The following CYS1 variants were observed in gnomAD, a reference collection of about 807,000 sequenced individuals.
The protein encoded by CYS1 is cystin-1.
Under a neutral mutation model 9.6 loss-of-function variants are expected in CYS1, and 5 were observed. That is an observed-to-expected ratio of 0.52 (90% CI 0.27 to 1.10). The LOEUF (loss-of-function observed/expected upper bound fraction) is 1.10, where lower values mean the gene tolerates loss of function less well. CYS1 is among the 50% of genes least tolerant of loss of function. CYS1 has a pLI of 0.11. For synonymous variants in CYS1, 88 were observed against 95.7 expected (o/e 0.92, Z 0.47); for missense variants, 221 against 207.9 (o/e 1.06, Z -0.39).
chr2:10,060,491 C>T (rs1661611439), intron 2 of CYS1, among the ~76,000 whole-genome samples: 1 of 152,182 alleles, frequency 6.6e-6, no homozygotes, highest in South Asian at 2.1e-4. Context: ...GGCCTCCAGG[C>T]GTCCAGGGGA....
chr2:10,065,853 A>G, intron 2 of CYS1, 51 bp downstream of exon 2: 1 of 1,599,646 alleles, frequency 6.3e-7, no homozygotes, highest in Non-Finnish European at 8.6e-7. Context: ...GGCTGGAGTC[A>G]ACAAAAAGAA....
rs1661919475 is a variant in CYS1, at chr2:10,080,041, C to T, written c.183G>A (p.Val61=). 4.7e-6 allele frequency: 5 copies of T among 1,057,000 alleles called. No individual in the cohort carries two copies. The highest frequency in any genetic ancestry group is 4.6e-6 in the Non-Finnish European group (4 of 877,502). The allele number at this position is 1,057,000 out of a possible 1,614,324, so 65.5% of individuals were successfully genotyped here. Residue 61 remains valine, a synonymous_variant, in exon 1 of 3, where the codon GTG becomes GTA. Transcript: ENST00000381813. This position sits in a 1 kb window ranked among gnomAD's most constrained non-coding sequence, Gnocchi z 6.4. ...TCTCGTCCCTGCCGTCGGGGGGCGC[C>T]ACGGGGCTGGGGTCGCGGCCGGGCG... ...EEAPGRDPSP[V]APPDGRDETL...
In CYS1 at chr2:10,058,725, C is replaced by G; in HGVS notation, c.*128G>C. ...CGGTCTGAAAGTGGATTTGAAAGGG[C>G]AGCTTTGAATATCCGGGAGTGACTG... On this transcript the variant is annotated 3_prime_UTR_variant, in exon 3 of 3. Transcript: ENST00000381813. 2 of 771,604 alleles carry G rather than the reference C, an allele frequency of 2.6e-6. No individual in the cohort carries two copies. Among genetic ancestry groups the G allele is most frequent in the Non-Finnish European group, 4.0e-6 (2 of 499,514 alleles). The allele number at this position is 771,604 out of a possible 1,614,324, so 47.8% of individuals were successfully genotyped here. A position where few individuals can be genotyped will look rare whatever the true frequency, so the allele number is the denominator to read the frequency against.
chr2:10,066,598 G>A (rs1292440382), intron 1 of CYS1, among the ~76,000 whole-genome samples: 1 of 152,218 alleles, frequency 6.6e-6, no homozygotes, highest in African/African-American at 2.4e-5. Context: ...TCTCATTCCT[G>A]GCATCAGGCA....
intron 2 of CYS1, among the ~76,000 whole-genome samples, chr2:10,061,411 C>T (rs535945602): frequency 7.2e-5 from 11 of 152,292 alleles, no homozygotes; most frequent in African/African-American, 2.6e-4. Context: ...CGCCCAGACA[C>T]CCTCAAGGGC....
Position 10,058,867 on chromosome 2 carries a change from C to T in CYS1, c.463G>A (p.Glu155Lys), listed in dbSNP as rs1283433619. ...EEGLMASIER[E>K]YCR is the part of the protein sequence containing the mutation. ...GCATGCTGTCCTCAGCGGCAGTACT[C>T]CCGCTCGATGCTCGCCATCAGCCCC... Residue 155 changes from glutamate (E) to lysine (K), a missense_variant, in exon 3 of 3, where the codon GAG becomes AAG. Transcript: ENST00000381813. The T allele has an allele frequency of 4.4e-6, 7 of 1,582,480 alleles. No individual in the cohort carries two copies. The highest frequency in any genetic ancestry group is 6.0e-6 in the Non-Finnish European group (7 of 1,164,900).
In CYS1 at chr2:10,080,077, G is replaced by GGCTGCCCCCGGGACCTCGGCCGCC; in HGVS notation, c.123_146dup (p.Ala43_Ala50dup). On this transcript the variant is annotated inframe_insertion, in exon 1 of 3. Coordinates refer to ENST00000381813, the MANE Select transcript of CYS1 (RefSeq NM_001037160.3). The surrounding 1 kb of genome is among the most constrained non-coding windows in gnomAD (Gnocchi z 6.4). ...GGTCGCGGCCGGGCGCCTCCTCCGC[G>GGCTGCCCCCGGGACCTCGGCCGCC]GCTGCCCCCGGGACCTCGGCCGCCG... 9.7e-7 allele frequency: 1 copy of GGCTGCCCCCGGGACCTCGGCCGCC among 1,032,268 alleles called. No individual in the cohort carries two copies. Among genetic ancestry groups the GGCTGCCCCCGGGACCTCGGCCGCC allele is most frequent in the Non-Finnish European group, 1.2e-6 (1 of 862,184 alleles). 63.9% of individuals were successfully genotyped at this position (1,032,268 alleles called of 1,614,324 possible). A position where few individuals can be genotyped will look rare whatever the true frequency, so the allele number is the denominator to read the frequency against.
At chr2:10,070,638 G>A (rs899433192) in intron 1 of CYS1, among the ~76,000 whole-genome samples, 2 of 151,082 alleles carry the variant, frequency 1.3e-5, no homozygotes, top group African/African-American at 4.9e-5. Context: ...GAGCCACTGC[G>A]CCTGGCATAT....
intron 2 of CYS1, among the ~76,000 whole-genome samples, chr2:10,064,349 G>C (rs983488165): frequency 6.6e-6 from 1 of 152,234 alleles, no homozygotes; most frequent in Non-Finnish European, 1.5e-5. Context: ...GTAGAAGTCA[G>C]AAGAAGTAAT....
In CYS1 at chr2:10,080,353, C is replaced by G. The variant is rs1422226933; in HGVS notation, c.-130G>C. 2.1e-6 allele frequency: 1 copy of G among 474,944 alleles called. No homozygotes were observed. The highest frequency in any genetic ancestry group is 2.8e-6 in the Non-Finnish European group (1 of 361,666). 29.4% of individuals were successfully genotyped at this position (474,944 alleles called of 1,614,324 possible). ...CGCGGGGCGAGGTCCGGGAAGCGAC[C>G]GCGGCCAGGGGCTAGGGTTCCCGGG... On this transcript the variant is annotated 5_prime_UTR_variant, in exon 1 of 3. Transcript: ENST00000381813. This position sits in a 1 kb window ranked among gnomAD's most constrained non-coding sequence, Gnocchi z 6.4.
intron 1 of CYS1, among the ~76,000 whole-genome samples, chr2:10,069,686 A>G (rs1172894409): frequency 6.6e-6 from 1 of 152,142 alleles, no homozygotes; most frequent in Non-Finnish European, 1.5e-5. Flanking sequence ...ATTTAAAAAA[A>G]ATTTTTTTTT....
In CYS1 at chr2:10,065,765, T is replaced by C. The variant is rs532485574; in HGVS notation, c.371+139A>G. The C allele has an allele frequency of 6.7e-5, 53 of 791,622 alleles. No homozygotes were observed. The South Asian group carries it at 7.7e-4, about 12-fold the overall frequency. The allele number at this position is 791,622 out of a possible 1,614,324, so 49.0% of individuals were successfully genotyped here. ...AGGACCTTCCCTTGAGGGCTAGGGC[T>C]TTGCATTTAGAGGGAGCTGCCTCTG... On this transcript the variant is annotated intron_variant, in intron 2 of 2. Transcript: ENST00000381813.
intron 1 of CYS1, among the ~76,000 whole-genome samples, chr2:10,075,615 C>T (rs144469820): frequency 6.4e-4 from 97 of 152,282 alleles, no homozygotes; most frequent in African/African-American, 2.1e-3. Flanking sequence ...CTCTTTACAC[C>T]GTGAGTTCCA....
intron 1 of CYS1, among the ~76,000 whole-genome samples, chr2:10,066,672 A>G (rs1054195886): frequency 1.2e-4 from 18 of 152,194 alleles, no homozygotes; most frequent in Non-Finnish European, 2.5e-4. Flanking sequence ...AGTCTTGGTG[A>G]TTCTTGGCTA....
Position 10,076,081 on chromosome 2 carries a change from C to T in CYS1, c.318+3825G>A, listed in dbSNP as rs769337197. Among the ~76,000 whole-genome samples the T allele has an allele frequency of 3.9e-5, 6 of 152,090 alleles. No homozygotes were observed. The highest frequency in any genetic ancestry group is 1.3e-4 in the Admixed American group (2 of 15,272). ...GCATGCTCCTATAGTCCCAGCTACT[C>T]GGGATGCTGAGACAGGAGAATTGCT... On this transcript the variant is annotated intron_variant, in intron 1 of 2. Transcript: ENST00000381813. This position sits in a 1 kb window ranked among gnomAD's most constrained non-coding sequence, Gnocchi z 4.3.
Position 10,080,301 on chromosome 2 carries a change from G to T in CYS1, c.-78C>A. The T allele has an allele frequency of 1.1e-6, 1 of 912,934 alleles. No individual in the cohort carries two copies. The highest frequency in any genetic ancestry group is 1.3e-6 in the Non-Finnish European group (1 of 760,258). 56.6% of individuals were successfully genotyped at this position (912,934 alleles called of 1,614,324 possible). ...GCCGGGGGCGGGGACGCTAGGGGGT[G>T]CGGCCGGGGCGGGCTGCAGGGGGAG... is the stretch of plus-strand genomic sequence containing the variant. On this transcript the variant is annotated 5_prime_UTR_variant, in exon 1 of 3. Transcript: ENST00000381813. This position sits in a 1 kb window ranked among gnomAD's most constrained non-coding sequence, Gnocchi z 6.4.
In CYS1 at chr2:10,075,971, G is replaced by A. The variant is rs1661836817; in HGVS notation, c.318+3935C>T. On this transcript the variant is annotated intron_variant, in intron 1 of 2. Transcript: ENST00000381813. ...GGAGGCCAAGGCAGGGGGACCACCT[G>A]AGGTCAGGAGTTCAAGAACAGCCTG... 5.9e-5 allele frequency among the ~76,000 whole-genome samples: 9 copies of A among 152,170 alleles called. 1 individual carries two copies. The South Asian group carries it at 1.9e-3, about 32-fold the overall frequency.
At position 10,058,596 on chromosome 2, in the gene CYS1, T is replaced by G. The variant is rs1293148241; in HGVS notation, c.*257A>C. The G allele has an allele frequency of 2.6e-6, 1 of 384,708 alleles. No individual in the cohort carries two copies. Among genetic ancestry groups the G allele is most frequent in the Admixed American group, 4.0e-5 (1 of 24,764 alleles). The allele number at this position is 384,708 out of a possible 1,614,324, so 23.8% of individuals were successfully genotyped here. ...AGAAGAACTGGGCAGGCTCCCCGCG[T>G]TGGGGAGGAGGCGCCGGCGGCCCAG... On this transcript the variant is annotated 3_prime_UTR_variant, in exon 3 of 3. Coordinates refer to ENST00000381813, the MANE Select transcript of CYS1 (RefSeq NM_001037160.3).
chr2:10,061,253 C>T (rs1553315613), intron 2 of CYS1, among the ~76,000 whole-genome samples: 1 of 151,646 alleles, frequency 6.6e-6, no homozygotes, highest in Non-Finnish European at 1.5e-5. Context: ...ACCAACCAAC[C>T]AAACAAACAA....
Sources: gnomAD v4.1 joint callset for allele counts (sites outside exome capture counted in the v4.1 genomes callset) on GRCh38, gnomAD v4.1.1 for gene constraint, Gnocchi (gnomAD v3.1) non-coding constraint, MANE v1.5 for transcripts, NCBI Gene and HGNC (gene_info 2026-07-23, HGNC 2026-07-21) for gene names.